STXBP6: variants seen among roughly 807,000 people sequenced by gnomAD.
STXBP6 encodes the protein syntaxin-binding protein 6.
In STXBP6, 21 loss-of-function variants were observed where a neutral mutation model predicts 26.9. That is an observed-to-expected ratio of 0.78 (90% CI 0.55 to 1.12). The LOEUF is 1.12. Ranked by LOEUF, STXBP6 falls within the 50% of genes most tolerant of loss-of-function variation. The pLI, the probability that STXBP6 is intolerant of heterozygous loss-of-function variation, is 0.00. For missense variants in STXBP6, 232 were observed against 257.9 expected, an observed-to-expected ratio of 0.90 and a Z score of 0.69; for synonymous variants, 97 against 92.6, an observed-to-expected ratio of 1.05 and a Z score of -0.27.
intron 1 of STXBP6, among the ~76,000 whole-genome samples, chr14:24,980,199 T>C (rs1275480337): frequency 6.6e-6 from 1 of 152,208 alleles, no homozygotes; most frequent in African/African-American, 2.4e-5. Context: ...TCAGAAAATA[T>C]ACAAGCTTTT....
intron 4 of STXBP6, among the ~76,000 whole-genome samples, chr14:24,824,002 A>G (rs1339334666): frequency 6.6e-6 from 1 of 152,192 alleles, no homozygotes; most frequent in Non-Finnish European, 1.5e-5. Flanking sequence ...TATTTTTCTT[A>G]GCAAAGCTAT....
chr14:24,848,565 G>C (rs995558540), intron 4 of STXBP6, among the ~76,000 whole-genome samples: 4 of 152,054 alleles, frequency 2.6e-5, no homozygotes, highest in African/African-American at 9.7e-5. Context: ...AAATTTTGAT[G>C]AAGAGATATG....
intron 1 of STXBP6, among the ~76,000 whole-genome samples, chr14:24,979,716 C>G (rs1023264280): frequency 2.0e-5 from 3 of 152,168 alleles, no homozygotes; most frequent in African/African-American, 7.2e-5. Context: ...TCAACCCTTT[C>G]AAATCCCCAT....
chr14:25,043,549 T>A lies in STXBP6; in HGVS notation c.-33+6329A>T, dbSNP rs181369779. The stretch of plus-strand genomic sequence containing the variant: ...ATTGTGCCATCATCACCCTAATTCC[T>A]GAACATTTTCATCACCCCAGAAAGA... On this transcript the variant is annotated intron_variant, in intron 1 of 5. Transcript: ENST00000323944. Among the ~76,000 whole-genome samples the A allele has an allele frequency of 1.3e-4, 20 of 152,288 alleles. No individual in the cohort carries two copies. The East Asian group carries it at 3.3e-3, about 25-fold the overall frequency.
chr14:24,914,137 C>G (rs1476262362), intron 2 of STXBP6, among the ~76,000 whole-genome samples: 1 of 152,128 alleles, frequency 6.6e-6, no homozygotes, highest in African/African-American at 2.4e-5. Context: ...TTTTATCTTA[C>G]AGGTACCTTA....
chr14:24,823,188 A>G (rs2068188217), intron 4 of STXBP6, among the ~76,000 whole-genome samples: 1 of 152,144 alleles, frequency 6.6e-6, no homozygotes, highest in Non-Finnish European at 1.5e-5. Flanking sequence ...AAAAATATAT[A>G]CGCTGACATC....
intron 1 of STXBP6, among the ~76,000 whole-genome samples, chr14:25,026,063 A>G (rs542141674): frequency 6.6e-6 from 1 of 152,292 alleles, no homozygotes; most frequent in East Asian, 1.9e-4. Flanking sequence ...GGCTATGATT[A>G]TCCTGCCAAA....
At chr14:25,045,932 T>C (rs2075720925) in intron 1 of STXBP6, among the ~76,000 whole-genome samples, 1 of 152,136 alleles carries the variant, frequency 6.6e-6, no homozygotes, top group South Asian at 2.1e-4. Context: ...ATTTTTAAGA[T>C]CCATCTGGGC....
At chr14:24,846,002 G>T (rs556711741) in intron 4 of STXBP6, among the ~76,000 whole-genome samples, 1 of 152,204 alleles carries the variant, frequency 6.6e-6, no homozygotes, top group Non-Finnish European at 1.5e-5. Flanking sequence ...GGTTTCTGGA[G>T]TCCAGAACTG....
At chr14:24,999,291 C>A (rs150993399) in intron 1 of STXBP6, among the ~76,000 whole-genome samples, 1 of 152,140 alleles carries the variant, frequency 6.6e-6, no homozygotes, top group African/African-American at 2.4e-5. Flanking sequence ...TATAAAGAAG[C>A]CAGAAGGAAA....
intron 1 of STXBP6, among the ~76,000 whole-genome samples, chr14:25,042,153 G>A (rs953641755): frequency 4.6e-5 from 7 of 152,150 alleles, no homozygotes; most frequent in Non-Finnish European, 7.3e-5. Flanking sequence ...GATGATAAAC[G>A]AAACAGAAAC....
chr14:24,933,543 A>AT (rs761252365), intron 2 of STXBP6, among the ~76,000 whole-genome samples: 12 of 152,124 alleles, frequency 7.9e-5, no homozygotes, highest in Non-Finnish European at 1.5e-4. Flanking sequence ...AAGCTTTAGT[A>AT]TTTTTTATTA....
rs1345876397 is a variant in STXBP6, at chr14:25,041,481, TA to T, written c.-33+8396del. On this transcript the variant is annotated intron_variant, in intron 1 of 5. Transcript: ENST00000323944. ...TCCTTATTGCTCTTTAATGATAGGG[TA>T]GATTAAATTTTTCAAGAATAATATT... is the stretch of plus-strand genomic sequence containing the variant. Among the ~76,000 whole-genome samples, 3 of 152,196 alleles carry T rather than the reference TA, an allele frequency of 2.0e-5. No homozygotes were observed. The East Asian group carries it at 5.8e-4, about 29-fold the overall frequency.
In STXBP6 at chr14:24,812,595, T is replaced by C; in HGVS notation, c.*114A>G. 9.8e-7 allele frequency: 1 copy of C among 1,025,146 alleles called. No homozygotes were observed. The highest frequency in any genetic ancestry group is 2.5e-5 in the East Asian group (1 of 40,524). 63.5% of individuals were successfully genotyped at this position (1,025,146 alleles called of 1,614,324 possible). On this transcript the variant is annotated 3_prime_UTR_variant, in exon 6 of 6. Coordinates refer to ENST00000323944, the MANE Select transcript of STXBP6 (RefSeq NM_001394410.1). ...TGAAAAGAAAAAACAAAAACCACTC[T>C]AAGTGTCCAAATATTGGAAAAAAAG... is the stretch of plus-strand genomic sequence containing the variant.
intron 2 of STXBP6, among the ~76,000 whole-genome samples, chr14:24,929,524 C>T (rs1235580082): frequency 6.6e-6 from 1 of 152,246 alleles, no homozygotes; most frequent in Non-Finnish European, 1.5e-5. Flanking sequence ...AAAGGGCATT[C>T]ATGCCCACGT....
chr14:24,826,367 G>A (rs73591637), intron 4 of STXBP6, among the ~76,000 whole-genome samples: 3,134 of 152,238 alleles, frequency 0.021, 90 homozygotes, highest in African/African-American at 0.07. Flanking sequence ...ATTTACAACA[G>A]TGTTTGGCCC....
intron 2 of STXBP6, among the ~76,000 whole-genome samples, chr14:24,947,601 A>G (rs908286404): frequency 6.6e-6 from 1 of 152,234 alleles, no homozygotes; most frequent in African/African-American, 2.4e-5. Flanking sequence ...CACAACTTCT[A>G]TGCTTAGACA....
chr14:24,946,646 A>G (rs1275610398), intron 2 of STXBP6, among the ~76,000 whole-genome samples: 1 of 152,198 alleles, frequency 6.6e-6, no homozygotes, highest in African/African-American at 2.4e-5. Flanking sequence ...AAAGTGGGTT[A>G]AAGGGTGAAG....
chr14:24,883,147 A>C (rs1451210301), intron 2 of STXBP6, among the ~76,000 whole-genome samples: 1 of 152,216 alleles, frequency 6.6e-6, no homozygotes, highest in African/African-American at 2.4e-5. Context: ...CAATATGTGA[A>C]TATGTCTCAT....
Sources: gnomAD v4.1 joint callset for allele counts (sites outside exome capture counted in the v4.1 genomes callset) on GRCh38, gnomAD v4.1.1 for gene constraint, MANE v1.5 for transcripts, NCBI Gene and HGNC (gene_info 2026-07-23, HGNC 2026-07-21) for gene names.